CTNND2: variants seen among roughly 807,000 people sequenced by gnomAD.
CTNND2 encodes the protein catenin delta-2.
In CTNND2, 22 loss-of-function variants were observed where a neutral mutation model predicts 144.4. That is an observed-to-expected ratio of 0.15 (90% confidence interval 0.11 to 0.22). The LOEUF (loss-of-function observed/expected upper bound fraction) is 0.22, where lower values mean the gene tolerates loss of function less well. Ranked by LOEUF, CTNND2 falls within the 10% of genes least tolerant of loss-of-function variation. The pLI is 1.00. For synonymous variants in CTNND2, 751 were observed against 695.6 expected, an observed-to-expected ratio of 1.08 and a Z score of -1.25; for missense variants, 1,353 against 1,618.8, an observed-to-expected ratio of 0.84 and a Z score of 2.82.
At chr5:11,346,296 G>T in intron 9 of CTNND2, 76 bp downstream of exon 9, 1 of 1,279,006 alleles carries the variant, frequency 7.8e-7, no homozygotes, top group Non-Finnish European at 1.0e-6. Flanking sequence ...AATGCAACAT[G>T]ACGTGAAATA....
At position 11,320,891 on chromosome 5, in the gene CTNND2, A is replaced by G. The variant is rs184245234; in HGVS notation, c.1628+25481T>C. 5.0e-3 allele frequency among the ~76,000 whole-genome samples: 765 copies of G among 152,320 alleles called. 9 individuals are homozygous for G. Among genetic ancestry groups the G allele is most frequent in the African/African-American group, 0.017 (717 of 41,580 alleles). On this transcript the variant is annotated intron_variant, in intron 9 of 21. Transcript: ENST00000304623. ...CCTGGTTAATCTTAGAAAATTAGGA[A>G]AGTGACACCAATTCCTACGATTAAA...
intron 1 of CTNND2, among the ~76,000 whole-genome samples, chr5:11,887,038 C>T (rs71599586): frequency 3.2e-5 from 4 of 123,260 alleles, no homozygotes; most frequent in South Asian, 2.7e-4. Flanking sequence ...GGCTGGAGTG[C>T]GGTGGCGCGA....
At chr5:11,471,430 A>G (rs1042043306) in intron 3 of CTNND2, among the ~76,000 whole-genome samples, 3 of 152,242 alleles carry the variant, frequency 2.0e-5, no homozygotes. Context: ...TTTCTTTAAC[A>G]AAGAGAATCA....
chr5:11,371,376 A>AT (rs1391570310), intron 7 of CTNND2, among the ~76,000 whole-genome samples: 1 of 152,226 alleles, frequency 6.6e-6, no homozygotes, highest in Non-Finnish European at 1.5e-5. Context: ...TACTAGGTAA[A>AT]TTGTTGAGAG....
chr5:11,622,751 T>C (rs1780915568), intron 2 of CTNND2, among the ~76,000 whole-genome samples: 1 of 152,180 alleles, frequency 6.6e-6, no homozygotes, highest in Non-Finnish European at 1.5e-5. Flanking sequence ...GAAGTATTCA[T>C]TTATATCCTG....
intron 2 of CTNND2, among the ~76,000 whole-genome samples, chr5:11,621,286 A>T (rs957516895): frequency 2.0e-5 from 3 of 152,222 alleles, no homozygotes; most frequent in African/African-American, 7.2e-5. Context: ...AATGCAAAAA[A>T]ATCTGTTCAG....
At chr5:11,787,645 T>C (rs989836702) in intron 1 of CTNND2, among the ~76,000 whole-genome samples, 1 of 152,224 alleles carries the variant, frequency 6.6e-6, no homozygotes, top group South Asian at 2.1e-4. Flanking sequence ...GTTGGTTATA[T>C]TGGAAATCAC....
intron 1 of CTNND2, among the ~76,000 whole-genome samples, chr5:11,785,656 GA>G (rs5865966): frequency 0.87 from 131,999 of 151,170 alleles, 59,785 homozygotes; most frequent in Non-Finnish European, 0.99. Context: ...TTAAATAGTG[GA>G]AAAAAAAAAA....
chr5:11,192,829 AATGTGTGGTGAACTGT>A (rs1736442870), intron 11 of CTNND2, among the ~76,000 whole-genome samples: 1 of 152,154 alleles, frequency 6.6e-6, no homozygotes, highest in Admixed American at 6.5e-5. Flanking sequence ...TAAGCTGCTA[AATGTGTGGTGAACTGT>A]CACAGCAGCC....
At chr5:11,768,845 C>T (rs1452072327) in intron 1 of CTNND2, among the ~76,000 whole-genome samples, 1 of 152,182 alleles carries the variant, frequency 6.6e-6, no homozygotes, top group Non-Finnish European at 1.5e-5. Flanking sequence ...CCTTCTCCAT[C>T]TTTCAAACAT....
chr5:11,855,522 T>C (rs1795211781), intron 1 of CTNND2, among the ~76,000 whole-genome samples: 1 of 151,930 alleles, frequency 6.6e-6, no homozygotes. Context: ...TAAAGACCAG[T>C]GGAGAGGAGA....
intron 2 of CTNND2, among the ~76,000 whole-genome samples, chr5:11,600,687 C>T (rs1779742604): frequency 8.7e-6 from 1 of 114,806 alleles, no homozygotes; most frequent in Non-Finnish European, 1.7e-5. Flanking sequence ...GCCTGGGCAA[C>T]AGAGCAAGAT....
At chr5:11,717,099 C>T (rs1312273257) in intron 2 of CTNND2, among the ~76,000 whole-genome samples, 2 of 151,050 alleles carry the variant, frequency 1.3e-5, no homozygotes, top group African/African-American at 4.9e-5. Context: ...AACTCCTGAC[C>T]TCAGGTGATC....
At chr5:11,559,343 T>C (rs866006189) in intron 3 of CTNND2, among the ~76,000 whole-genome samples, 10 of 152,240 alleles carry the variant, frequency 6.6e-5, no homozygotes, top group Middle Eastern at 3.4e-3. Context: ...AAGAACCCTG[T>C]CTACCTTGAG....
chr5:11,471,606 T>G (rs7712432), intron 3 of CTNND2, among the ~76,000 whole-genome samples: 7,514 of 152,306 alleles, frequency 0.049, 609 homozygotes, highest in African/African-American at 0.17. Flanking sequence ...TACTAATTAG[T>G]GTGTCCTCTC....
chr5:11,252,836 C>A (rs1743806555), intron 9 of CTNND2, among the ~76,000 whole-genome samples: 1 of 152,186 alleles, frequency 6.6e-6, no homozygotes, highest in Non-Finnish European at 1.5e-5. Context: ...TCAGTAATTT[C>A]ATGAGGATAA....
intron 15 of CTNND2, among the ~76,000 whole-genome samples, chr5:11,084,371 C>A (rs1395180916): frequency 1.3e-5 from 2 of 152,190 alleles, no homozygotes; most frequent in African/African-American, 2.4e-5. Context: ...ACATCTGCCT[C>A]CCCTACTCCT....
chr5:11,697,930 G>C (rs1047907816), intron 2 of CTNND2, among the ~76,000 whole-genome samples: 1 of 152,186 alleles, frequency 6.6e-6, no homozygotes, highest in African/African-American at 2.4e-5. Context: ...CTCTGTTCCT[G>C]TAAGAGAAAA....
intron 16 of CTNND2, among the ~76,000 whole-genome samples, chr5:11,037,493 A>G (rs557367685): frequency 3.9e-5 from 6 of 152,314 alleles, no homozygotes; most frequent in African/African-American, 7.2e-5. Context: ...TATGAAGACT[A>G]CCAAGGGACT....
Sources: gnomAD v4.1 joint callset for allele counts (sites outside exome capture counted in the v4.1 genomes callset) on GRCh38, gnomAD v4.1.1 for gene constraint, MANE v1.5 for transcripts, NCBI Gene and HGNC (gene_info 2026-07-23, HGNC 2026-07-21) for gene names.